KLF8: variants seen among roughly 807,000 people sequenced by gnomAD.
KLF8 encodes the protein KLF transcription factor 8.
KLF8 carries 10 observed loss-of-function variants against 18.2 expected under a neutral mutation model. That is an observed-to-expected ratio of 0.55 (90% CI 0.34 to 0.93). The LOEUF is 0.93. Ranked by LOEUF, KLF8 falls within the 40% of genes least tolerant of loss-of-function variation. The pLI is 0.02. For synonymous variants in KLF8, 109 were observed against 97.3 expected (o/e 1.12, Z -0.71); for missense variants, 264 against 277.9 (o/e 0.95, Z 0.36).
At chrX:55,986,970 G>T in the KLF8 span, among the ~76,000 whole-genome samples, 1 of 111,315 alleles carries the variant, frequency 9.0e-6, no homozygotes, top group Non-Finnish European at 1.9e-5. Context: ...CTTTTTTAAT[G>T]CCTGCATAGT....
intron 1 of KLF8, among the ~76,000 whole-genome samples, chrX:56,239,876 T>C (rs988170766): frequency 8.9e-6 from 1 of 112,076 alleles, no homozygotes; most frequent in Non-Finnish European, 1.9e-5. Context: ...ATTTCTCTTC[T>C]ATTTGCCATT....
chrX:56,040,132 C>A, the KLF8 span, among the ~76,000 whole-genome samples: 1 of 111,195 alleles, frequency 9.0e-6, no homozygotes, highest in Non-Finnish European at 1.9e-5. Context: ...TGGGCTGAGA[C>A]AATGGGGGCT....
At chrX:55,915,394 A>G in the KLF8 span, among the ~76,000 whole-genome samples, 1 of 111,986 alleles carries the variant, frequency 8.9e-6, no homozygotes, top group Admixed American at 9.5e-5. Flanking sequence ...CAAAAAAGGA[A>G]ATAGAATCAA....
At chrX:56,128,901 C>G in the KLF8 span, among the ~76,000 whole-genome samples, 5 of 112,085 alleles carry the variant, frequency 4.5e-5, no homozygotes, top group African/African-American at 1.6e-4. Flanking sequence ...ATGAACTTCT[C>G]AAAACATCAT....
At chrX:56,244,428 T>C (rs1247012841) in intron 1 of KLF8, among the ~76,000 whole-genome samples, 2 of 111,138 alleles carry the variant, frequency 1.8e-5, no homozygotes, top group Non-Finnish European at 3.8e-5. Flanking sequence ...GCTCAAGTTA[T>C]CCTCCCGCCT....
the KLF8 span, among the ~76,000 whole-genome samples, chrX:56,221,128 T>C: frequency 8.9e-6 from 1 of 112,082 alleles, no homozygotes; most frequent in Non-Finnish European, 1.9e-5. Context: ...AATCTGTGCA[T>C]TTCTGGAGCT....
At chrX:56,064,220 C>T in the KLF8 span, among the ~76,000 whole-genome samples, 1 of 107,186 alleles carries the variant, frequency 9.3e-6, no homozygotes, top group Non-Finnish European at 1.9e-5. Context: ...CTTGTAGCTG[C>T]CTAGGACTCA....
chrX:56,186,511 C>T, the KLF8 span, among the ~76,000 whole-genome samples: 3 of 111,178 alleles, frequency 2.7e-5, no homozygotes, highest in African/African-American at 9.8e-5. Flanking sequence ...GAACTCAGCT[C>T]TGCACCAAGC....
At chrX:56,272,738 A>G (rs190471621) in intron 5 of KLF8, among the ~76,000 whole-genome samples, 1 of 111,134 alleles carries the variant, frequency 9.0e-6, no homozygotes, top group African/African-American at 3.3e-5. Flanking sequence ...GCCTTTCCTC[A>G]CTACAATTCA....
the KLF8 span, among the ~76,000 whole-genome samples, chrX:55,975,062 T>C: frequency 2.7e-5 from 3 of 111,868 alleles, no homozygotes; most frequent in African/African-American, 9.7e-5. Context: ...GAAAAAACAA[T>C]CAGTATGATA....
the KLF8 span, among the ~76,000 whole-genome samples, chrX:55,944,075 T>G: frequency 8.9e-6 from 1 of 112,240 alleles, no homozygotes; most frequent in Non-Finnish European, 1.9e-5. Flanking sequence ...CTTTTCTGCA[T>G]CTATTGAGAT....
chrX:56,214,769 A>G, the KLF8 span, among the ~76,000 whole-genome samples: 1 of 112,344 alleles, frequency 8.9e-6, no homozygotes, highest in African/African-American at 3.2e-5. Context: ...GCCTCACTTT[A>G]CAAGGGAAAA....
At chrX:56,160,839 A>T in the KLF8 span, among the ~76,000 whole-genome samples, 4 of 111,199 alleles carry the variant, frequency 3.6e-5, no homozygotes, top group East Asian at 1.1e-3. Flanking sequence ...TTGACTCTTT[A>T]TCCAATTTGC....
chrX:56,057,229 A>T, the KLF8 span, among the ~76,000 whole-genome samples: 1 of 110,524 alleles, frequency 9.0e-6, no homozygotes, highest in Non-Finnish European at 1.9e-5. Context: ...GGTGGAGGAG[A>T]ATTCCTTTTT....
the KLF8 span, among the ~76,000 whole-genome samples, chrX:56,068,835 G>GGCAGAGT: frequency 1.8e-5 from 2 of 111,877 alleles, no homozygotes; most frequent in Non-Finnish European, 3.8e-5. Context: ...CAGAGTACAT[G>GGCAGAGT]ACCCTGCCTG....
the KLF8 span, among the ~76,000 whole-genome samples, chrX:56,020,999 G>T: frequency 4.5e-5 from 5 of 111,969 alleles, no homozygotes; most frequent in Non-Finnish European, 9.4e-5. Context: ...TTTACATTCT[G>T]ATTTGCTGAT....
At chrX:56,031,585 G>A in the KLF8 span, among the ~76,000 whole-genome samples, 39 of 111,853 alleles carry the variant, frequency 3.5e-4, no homozygotes, top group African/African-American at 1.2e-3. Context: ...ACCCGGGAGC[G>A]CTCTTTGGAT....
intron 2 of KLF8, 65 bp downstream of exon 2, chrX:56,250,369 T>C (rs1367432361): frequency 1.3e-6 from 1 of 789,560 alleles, no homozygotes; most frequent in African/African-American, 2.1e-5. Context: ...CTGGTAGTGA[T>C]TACAGAATTT....
At chrX:56,091,051 T>G in the KLF8 span, among the ~76,000 whole-genome samples, 1 of 111,753 alleles carries the variant, frequency 8.9e-6, no homozygotes, top group Non-Finnish European at 1.9e-5. Context: ...ATTCCATGAC[T>G]TTGCTATTGT....
Sources: gnomAD v4.1 joint callset for allele counts (sites outside exome capture counted in the v4.1 genomes callset) on GRCh38, gnomAD v4.1.1 for gene constraint, MANE v1.5 for transcripts, NCBI Gene and HGNC (gene_info 2026-07-23, HGNC 2026-07-21) for gene names.